Variants in SMAP1 observed in about 807,000 individuals in gnomAD.
The protein encoded by SMAP1 is stromal membrane-associated protein 1.
In SMAP1, 24 loss-of-function variants were observed where a neutral mutation model predicts 58.5. The observed-to-expected ratio is 0.41, with a 90% CI of 0.30 to 0.58. SMAP1 has a LOEUF of 0.58. Among genes scored for constraint, SMAP1 ranks in the 20% least tolerant of loss-of-function variants. SMAP1 has a pLI of 0.29. For missense variants in SMAP1, 563 were observed against 566.3 expected, an observed-to-expected ratio of 0.99 and a Z score of 0.06; for synonymous variants, 216 against 196.6, an observed-to-expected ratio of 1.10 and a Z score of -0.82.
Position 70,860,400 on chromosome 6 carries a change from C to T in SMAP1, c.*66C>T. On this transcript the variant is annotated 3_prime_UTR_variant, in exon 11 of 11. Coordinates refer to ENST00000370455, the MANE Select transcript of SMAP1 (RefSeq NM_001044305.3). ...TTCCTTGCTGAAACGCATCTAGTTC[C>T]CCTGTTTATTCATATGCATATTTTT... The T allele has an allele frequency of 1.3e-6, 2 of 1,540,604 alleles. No homozygotes were observed. The highest frequency in any genetic ancestry group is 1.7e-6 in the Non-Finnish European group (2 of 1,144,544).
At chr6:70,801,735 C>T (rs570487038) in intron 6 of SMAP1, among the ~76,000 whole-genome samples, 4 of 152,294 alleles carry the variant, frequency 2.6e-5, no homozygotes, top group African/African-American at 7.2e-5. Context: ...CTACATATGG[C>T]TAGCCAGTTT....
chr6:70,859,587 T>G (rs940593240), intron 10 of SMAP1: 15 of 425,862 alleles, frequency 3.5e-5, no homozygotes, highest in Non-Finnish European at 4.1e-5. Context: ...ATCTTGCCTT[T>G]CCTTCTCTTA....
At position 70,773,399 on chromosome 6, in the gene SMAP1, G is replaced by T; in HGVS notation, c.388G>T (p.Asp130Tyr). 1 of 1,568,708 alleles carries T rather than the reference G, an allele frequency of 6.4e-7. No individual in the cohort carries two copies. Among genetic ancestry groups the T allele is most frequent in the Non-Finnish European group, 8.7e-7 (1 of 1,147,340 alleles). The stretch of plus-strand genomic sequence containing the variant: ...TAAATATGAAAAGAAGAAATACTAC[G>T]ATAAAAATGCCATAGCTATTACAAA... ...RDKYEKKKYY[D>Y]KNAIAITNIS... Residue 130 changes from aspartate (D) to tyrosine (Y), a missense_variant, in exon 4 of 11, where the codon GAT becomes TAT. Physicochemically the swap from Asp to Tyr is radical, Grantham distance 160. Coordinates refer to ENST00000370455, the MANE Select transcript of SMAP1 (RefSeq NM_001044305.3).
At chr6:70,676,587 ATTG>A (rs1341592154) in intron 1 of SMAP1, among the ~76,000 whole-genome samples, 8 of 152,128 alleles carry the variant, frequency 5.3e-5, no homozygotes, top group African/African-American at 1.9e-4. Flanking sequence ...GATGTAAGAG[ATTG>A]TTGTTGGGAA....
intron 1 of SMAP1, among the ~76,000 whole-genome samples, chr6:70,716,512 G>A (rs1179124852): frequency 6.6e-6 from 1 of 152,090 alleles, no homozygotes; most frequent in East Asian, 1.9e-4. Flanking sequence ...ATTGGTCTGT[G>A]GCTTGGGGGT....
intron 3 of SMAP1, among the ~76,000 whole-genome samples, chr6:70,768,846 G>A (rs1347611491): frequency 2.0e-5 from 3 of 152,036 alleles, no homozygotes; most frequent in Non-Finnish European, 2.9e-5. Context: ...TGATATTAGG[G>A]TGTCACTTTT....
In SMAP1 at chr6:70,860,759, A is replaced by AAATAG. The variant is rs1771684806; in HGVS notation, c.*429_*433dup. On this transcript the variant is annotated 3_prime_UTR_variant, in exon 11 of 11. Transcript: ENST00000370455. ...TGTATGATCAAATGTTTAATCATAT[A>AAATAG]AATAGAATGTAAATGTCTCACTGAG... 1 of 399,818 alleles carries AAATAG rather than the reference A, an allele frequency of 2.5e-6. No homozygotes were observed. Among genetic ancestry groups the AAATAG allele is most frequent in the Admixed American group, 4.3e-5 (1 of 22,998 alleles). 24.8% of individuals were successfully genotyped at this position (399,818 alleles called of 1,614,324 possible).
intron 3 of SMAP1, among the ~76,000 whole-genome samples, chr6:70,766,086 T>C (rs1025768205): frequency 1.3e-5 from 2 of 152,186 alleles, no homozygotes; most frequent in East Asian, 1.9e-4. Flanking sequence ...CATCATTTTT[T>C]ATGGCTGCAT....
chr6:70,732,282 A>T, intron 1 of SMAP1, 96 bp from the exon 2 acceptor site: 5 of 1,317,004 alleles, frequency 3.8e-6, no homozygotes, highest in Non-Finnish European at 4.1e-6. Context: ...AGCTTCCATT[A>T]TAATTATATA....
At chr6:70,825,444 A>G (rs1361284301) in intron 6 of SMAP1, among the ~76,000 whole-genome samples, 4 of 152,176 alleles carry the variant, frequency 2.6e-5, no homozygotes, top group African/African-American at 9.7e-5. Context: ...CTTCTCTGCA[A>G]ACCTCCAGAA....
intron 6 of SMAP1, among the ~76,000 whole-genome samples, chr6:70,814,700 T>C (rs913610872): frequency 4.6e-5 from 7 of 152,166 alleles, no homozygotes; most frequent in Non-Finnish European, 1.0e-4. Flanking sequence ...GAGGCATTGC[T>C]CTTCTAGCCA....
chr6:70,707,777 A>G (rs1562105287), intron 1 of SMAP1, among the ~76,000 whole-genome samples: 2 of 152,012 alleles, frequency 1.3e-5, no homozygotes, highest in Admixed American at 6.6e-5. Context: ...GCTAATTTTC[A>G]TATTTTTAGT....
At chr6:70,804,945 A>G (rs1159940507) in intron 6 of SMAP1, among the ~76,000 whole-genome samples, 2 of 142,258 alleles carry the variant, frequency 1.4e-5, no homozygotes, top group African/African-American at 2.6e-5. Context: ...TTTTTTTTTC[A>G]TTTCAGCCTT....
intron 3 of SMAP1, among the ~76,000 whole-genome samples, chr6:70,761,127 T>C (rs1354573348): frequency 6.6e-6 from 1 of 152,020 alleles, no homozygotes; most frequent in Admixed American, 6.6e-5. Context: ...TTTCAAATGG[T>C]ATATTTTTAA....
At chr6:70,851,148 T>A (rs80250030) in intron 7 of SMAP1, among the ~76,000 whole-genome samples, 1 of 152,324 alleles carries the variant, frequency 6.6e-6, no homozygotes, top group East Asian at 1.9e-4. Flanking sequence ...TTGAAAAATT[T>A]GCAGTTGAAT....
intron 10 of SMAP1, 172 bp from the exon 11 acceptor site, chr6:70,860,028 A>G: frequency 1.6e-6 from 1 of 610,124 alleles, no homozygotes; most frequent in Middle Eastern, 4.7e-4. Context: ...TAGATAAAGA[A>G]GGGAACAAAG....
intron 5 of SMAP1, among the ~76,000 whole-genome samples, chr6:70,794,862 C>T (rs1195613071): frequency 1.3e-5 from 2 of 148,160 alleles, no homozygotes; most frequent in Non-Finnish European, 3.0e-5. Context: ...GATCTCAGCT[C>T]ACTGCAAGCT....
At chr6:70,715,867 A>G (rs948577491) in intron 1 of SMAP1, among the ~76,000 whole-genome samples, 10 of 150,258 alleles carry the variant, frequency 6.7e-5, no homozygotes, top group African/African-American at 2.2e-4. Context: ...AATTTGTAGT[A>G]TTTTATCCCT....
At chr6:70,797,302 C>T (rs1341113349) in intron 5 of SMAP1, among the ~76,000 whole-genome samples, 3 of 151,882 alleles carry the variant, frequency 2.0e-5, no homozygotes, top group Non-Finnish European at 4.4e-5. Context: ...TTCTTAGTGC[C>T]TTTTTCTTTT....
Sources: gnomAD v4.1 joint callset for allele counts (sites outside exome capture counted in the v4.1 genomes callset) on GRCh38, gnomAD v4.1.1 for gene constraint, MANE v1.5 for transcripts, NCBI Gene and HGNC (gene_info 2026-07-23, HGNC 2026-07-21) for gene names.